Variants in GALNT11 observed in about 807,000 individuals in gnomAD.
GALNT11 encodes polypeptide N-acetylgalactosaminyltransferase 11.
A neutral mutation model predicts 72.7 loss-of-function variants in GALNT11; 47 were observed. That is an observed-to-expected ratio of 0.65 (90% CI 0.51 to 0.82). The LOEUF is 0.82. GALNT11 is among the 40% of genes least tolerant of loss of function. GALNT11 has a pLI of 0.00. For missense variants in GALNT11, 677 were observed against 778.4 expected (o/e 0.87, Z 1.55); for synonymous variants, 270 against 286.6 (o/e 0.94, Z 0.58).
chr7:152,057,004 A>ATTTTTTTTTTTTTT (rs71198754), intron 1 of GALNT11, among the ~76,000 whole-genome samples: 2 of 74,930 alleles, frequency 2.7e-5, no homozygotes, highest in Non-Finnish European at 5.4e-5. Context: ...ATGCCCAGCT[A>ATTTTTTTTTTTTTT]TTTTTTTTTT....
At chr7:152,035,608 C>T (rs1045849275) in intron 1 of GALNT11, among the ~76,000 whole-genome samples, 4 of 152,192 alleles carry the variant, frequency 2.6e-5, no homozygotes, top group African/African-American at 9.7e-5. Flanking sequence ...TCCAGGCAAA[C>T]CAACACTCCC....
intron 9 of GALNT11, chr7:152,118,272 C>T (rs1042369155): frequency 4.3e-5 from 8 of 185,016 alleles, no homozygotes; most frequent in Admixed American, 1.3e-4. Context: ...TAGTTGTCAC[C>T]GGTGTCTCTC....
At chr7:152,104,240 T>G (rs1355558909) in intron 4 of GALNT11, 1 of 152,252 alleles carries the variant, frequency 6.6e-6, no homozygotes, top group African/African-American at 2.4e-5. Context: ...AAATGAGACC[T>G]CTGGTCTGCA....
At chr7:152,075,747 G>T (rs2084920409) in intron 1 of GALNT11, among the ~76,000 whole-genome samples, 1 of 150,106 alleles carries the variant, frequency 6.7e-6, no homozygotes, top group South Asian at 2.1e-4. Context: ...GGTGAGCTGA[G>T]ATTGCGCTGT....
chr7:152,030,399 A>C (rs976313473), intron 1 of GALNT11, among the ~76,000 whole-genome samples: 3 of 152,140 alleles, frequency 2.0e-5, no homozygotes, highest in African/African-American at 7.2e-5. Flanking sequence ...GGTTTTTCCT[A>C]GGTTATGATT....
At chr7:152,121,014 A>G in intron 11 of GALNT11, 46 bp downstream of exon 11, 1 of 1,590,808 alleles carries the variant, frequency 6.3e-7, no homozygotes, top group Non-Finnish European at 8.6e-7. Context: ...GAGGCCCACA[A>G]GGTTGAGTGA....
At chr7:152,089,411 G>A (rs183776066) in intron 1 of GALNT11, among the ~76,000 whole-genome samples, 4 of 152,306 alleles carry the variant, frequency 2.6e-5, no homozygotes, top group African/African-American at 4.8e-5. Context: ...GGTGCTCATC[G>A]CAGTTGGAAC....
intron 6 of GALNT11, among the ~76,000 whole-genome samples, chr7:152,109,865 C>G (rs1215471771): frequency 6.6e-6 from 1 of 152,188 alleles, no homozygotes; most frequent in African/African-American, 2.4e-5. Context: ...TGGAAGCTAG[C>G]TCGAGTCCCT....
At chr7:152,028,953 C>T (rs1586888953) in intron 1 of GALNT11, among the ~76,000 whole-genome samples, 1 of 152,258 alleles carries the variant, frequency 6.6e-6, no homozygotes, top group African/African-American at 2.4e-5. Flanking sequence ...GTTAAAAATA[C>T]AGGGCCCGAA....
At chr7:152,093,512 G>A (rs940170704) in intron 1 of GALNT11, among the ~76,000 whole-genome samples, 10 of 152,024 alleles carry the variant, frequency 6.6e-5, no homozygotes, top group Admixed American at 2.0e-4. Context: ...CACAACCTCC[G>A]CCTCCCGGGT....
In GALNT11 at chr7:152,117,340, G is replaced by A; in HGVS notation, c.1417G>A (p.Gly473Arg). 1 of 1,614,126 alleles carries A rather than the reference G, an allele frequency of 6.2e-7. No homozygotes were observed. The highest frequency in any genetic ancestry group is 8.5e-7 in the Non-Finnish European group (1 of 1,180,026). The change falls in exon 9 of 12, where the codon GGG (glycine) becomes AGG (arginine). Residue 473 changes from glycine to arginine, a missense_variant. Coordinates refer to ENST00000430044, the MANE Select transcript of GALNT11 (RefSeq NM_022087.4). The part of the protein sequence containing the change: ...KPQQPIFVNR[G>R]PKRPKVLQRG... ...CCAACAACCCATTTTTGTCAATAGA[G>A]GGCCAAAACGACCCAAAGTCCTTCA...
chr7:152,115,779 G>C (rs1000883143), intron 8 of GALNT11, among the ~76,000 whole-genome samples: 2 of 152,176 alleles, frequency 1.3e-5, no homozygotes, highest in East Asian at 3.8e-4. Context: ...TTACTTGGCC[G>C]GGTGCGGTGG....
At position 152,117,273 on chromosome 7, in the gene GALNT11, T is replaced by C. The variant is rs2088955067; in HGVS notation, c.1350T>C (p.Asn450=). 5.0e-6 allele frequency: 8 copies of C among 1,614,192 alleles called. No homozygotes were observed. The highest frequency in any genetic ancestry group is 2.2e-5 in the East Asian group (1 of 44,884). ...GCKSFKWYLD[N]VYPEMQISGS... is the part of the protein sequence containing the mutation. ...AATCATTTAAATGGTATTTGGATAA[T>C]GTATACCCAGAGATGCAGATATCTG... Residue 450 remains asparagine (N), a synonymous_variant, in exon 9 of 12, where the codon AAT becomes AAC. Transcript: ENST00000430044.
Position 152,103,264 on chromosome 7 carries a change from A to T in GALNT11, c.572A>T (p.Asp191Val). Residue 191 changes from aspartate (D) to valine (V), a missense_variant, in exon 4 of 12, where the codon GAT (aspartate) becomes GTT (valine). Transcript: ENST00000430044. ...CTTCATGAGATCATCCTTGTGGATG[A>T]TGATAGTGACTTTGGTAAGGAATGC... ...HLLHEIILVD[D>V]DSDFDDLKGE... is the part of the protein sequence containing the mutation. 14 of 1,612,622 alleles carry T rather than the reference A, an allele frequency of 8.7e-6. No homozygotes were observed. The highest frequency in any genetic ancestry group is 1.2e-5 in the Non-Finnish European group (14 of 1,178,770).
intron 1 of GALNT11, among the ~76,000 whole-genome samples, chr7:152,059,129 T>A (rs1258780207): frequency 6.6e-6 from 1 of 152,212 alleles, no homozygotes; most frequent in Admixed American, 6.5e-5. Flanking sequence ...ACAGTTTTGC[T>A]TTGTCACCCA....
chr7:152,033,840 A>G (rs2082426433), intron 1 of GALNT11, among the ~76,000 whole-genome samples: 1 of 152,158 alleles, frequency 6.6e-6, no homozygotes, highest in Non-Finnish European at 1.5e-5. Flanking sequence ...TCATTCTGCC[A>G]TTTACTTGAC....
At chr7:152,033,915 C>T (rs2082429444) in intron 1 of GALNT11, among the ~76,000 whole-genome samples, 1 of 152,192 alleles carries the variant, frequency 6.6e-6, no homozygotes, top group Non-Finnish European at 1.5e-5. Flanking sequence ...CATTAAAGGC[C>T]TGGGTTTGAT....
intron 1 of GALNT11, among the ~76,000 whole-genome samples, chr7:152,061,401 A>C (rs2084008679): frequency 6.6e-6 from 1 of 151,930 alleles, no homozygotes; most frequent in Admixed American, 6.6e-5. Flanking sequence ...TAGATTGTAA[A>C]ATTTTTCTCC....
intron 1 of GALNT11, among the ~76,000 whole-genome samples, chr7:152,045,938 T>C (rs1373325881): frequency 6.6e-6 from 1 of 152,142 alleles, no homozygotes; most frequent in Non-Finnish European, 1.5e-5. Context: ...TGCTATAAAC[T>C]TTCCTCTTAG....
Sources: gnomAD v4.1 joint callset for allele counts (sites outside exome capture counted in the v4.1 genomes callset) on GRCh38, gnomAD v4.1.1 for gene constraint, MANE v1.5 for transcripts, NCBI Gene and HGNC (gene_info 2026-07-23, HGNC 2026-07-21) for gene names.